The following MMP16 variants were observed in gnomAD, a reference collection of about 807,000 sequenced individuals.
The protein encoded by MMP16 is matrix metalloproteinase-16.
MMP16 carries 12 observed loss-of-function variants against 67.8 expected under a neutral mutation model. That is an observed-to-expected ratio of 0.18 (90% CI 0.11 to 0.29). The LOEUF is 0.29. Among genes scored for constraint, MMP16 ranks in the 10% least tolerant of loss-of-function variants. The pLI, the probability that MMP16 is intolerant of heterozygous loss-of-function variation, is 1.00. For missense variants in MMP16, 475 were observed against 765.7 expected (o/e 0.62, Z 4.48); for synonymous variants, 249 against 255.9 (o/e 0.97, Z 0.26).
In MMP16 at chr8:88,327,478, C is replaced by A; in HGVS notation, c.-272G>T. On this transcript the variant is annotated 5_prime_UTR_variant, in exon 1 of 10. Transcript: ENST00000286614. ...TGGCGCCTAAGTTCACCGGCGGTTCCGGCTCAAAGAGCCTAGTCGCAGCCG... is the reference window on the plus strand; with the variant it reads ...TGGCGCCTAAGTTCACCGGCGGTTCAGGCTCAAAGAGCCTAGTCGCAGCCG... The A allele has an allele frequency of 2.2e-6, 1 of 459,342 alleles. No homozygotes were observed. Among genetic ancestry groups the A allele is most frequent in the Non-Finnish European group, 4.0e-6 (1 of 248,716 alleles). 28.5% of individuals were successfully genotyped at this position (459,342 alleles called of 1,614,324 possible). A position where few individuals can be genotyped will look rare whatever the true frequency, so the allele number is the denominator to read the frequency against.
At chr8:88,322,260 G>A (rs1811471489) in intron 1 of MMP16, among the ~76,000 whole-genome samples, 1 of 152,182 alleles carries the variant, frequency 6.6e-6, no homozygotes, top group Admixed American at 6.5e-5. Context: ...AAAAGAAGGT[G>A]TGAGCTGAAC....
At chr8:88,104,732 T>C (rs1254231541) in intron 6 of MMP16, among the ~76,000 whole-genome samples, 1 of 151,524 alleles carries the variant, frequency 6.6e-6, no homozygotes, top group Non-Finnish European at 1.5e-5. Flanking sequence ...CTCAGAAAGG[T>C]CCTTCGGGAG....
chr8:88,149,339 C>G (rs1204732164), intron 4 of MMP16, among the ~76,000 whole-genome samples: 1 of 152,158 alleles, frequency 6.6e-6, no homozygotes, highest in Non-Finnish European at 1.5e-5. Flanking sequence ...CCGGGAACCT[C>G]GAACTGGGTG....
At chr8:88,267,088 C>T (rs1472591897) in intron 1 of MMP16, among the ~76,000 whole-genome samples, 1 of 152,150 alleles carries the variant, frequency 6.6e-6, no homozygotes, top group Non-Finnish European at 1.5e-5. Flanking sequence ...TCACATTTTG[C>T]TACCTGACAT....
chr8:88,124,940 A>T (rs1243055049), intron 4 of MMP16, among the ~76,000 whole-genome samples: 1 of 151,858 alleles, frequency 6.6e-6, no homozygotes, highest in Non-Finnish European at 1.5e-5. Flanking sequence ...TTATAAGTAA[A>T]CTAATCTCAT....
At chr8:88,183,860 C>T (rs28730305) in intron 3 of MMP16, among the ~76,000 whole-genome samples, 36,441 of 150,988 alleles carry the variant, frequency 0.24, 4,738 homozygotes, top group Middle Eastern at 0.32. Flanking sequence ...GGATTACAGT[C>T]ATGCGCCACA....
At chr8:88,220,844 G>C (rs1171969619) in intron 1 of MMP16, among the ~76,000 whole-genome samples, 2 of 152,072 alleles carry the variant, frequency 1.3e-5, no homozygotes, top group African/African-American at 4.8e-5. Flanking sequence ...GCATGATTAA[G>C]ATTTCTGGAT....
In MMP16 at chr8:88,039,078, T is replaced by C. The variant is rs981440557; in HGVS notation, c.*2383A>G. ...TCTAATTTTCATGCTACGTTGAGTA[T>C]AAATATAAATTCAAGGCAGCCAAAC... On this transcript the variant is annotated 3_prime_UTR_variant, in exon 10 of 10. Transcript: ENST00000286614. The surrounding 1 kb of genome is among the most constrained non-coding windows in gnomAD (Gnocchi z 4.5). 8.5e-5 allele frequency: 13 copies of C among 152,490 alleles called. No individual in the cohort carries two copies. Among genetic ancestry groups the C allele is most frequent in the African/African-American group, 2.9e-4 (12 of 41,408 alleles). The allele number at this position is 152,490 out of a possible 1,614,324, so 9.4% of individuals were successfully genotyped here.
At chr8:88,228,280 TA>T (rs1809802330) in intron 1 of MMP16, among the ~76,000 whole-genome samples, 2 of 152,078 alleles carry the variant, frequency 1.3e-5, no homozygotes, top group African/African-American at 2.4e-5. Context: ...TATAAGAAAA[TA>T]ATATGAGAAT....
rs576047248 is a variant in MMP16 at position 88,033,945 on chromosome 8, C to T, written c.*7516G>A. 1 of 152,132 alleles carries T rather than the reference C, an allele frequency of 6.6e-6. No homozygotes were observed. The allele number at this position is 152,132 out of a possible 1,614,324, so 9.4% of individuals were successfully genotyped here. On this transcript the variant is annotated 3_prime_UTR_variant, in exon 10 of 10. Transcript: ENST00000286614. ...CAGAACACTATACTGTGACTACTTT[C>T]CTGTATAATTATTTAAGATACATTC...
rs34488162 is a variant in MMP16 at position 88,097,625 on chromosome 8, CAAA to C, written c.1083+18879_1083+18881del. On this transcript the variant is annotated intron_variant, in intron 6 of 9. Coordinates refer to ENST00000286614, the MANE Select transcript of MMP16 (RefSeq NM_005941.5). ...TGAGAGCCAGAGCAAAACCCTGTCT[CAAA>C]AAAAAAAAAAAAAAAAAAAGAATGA... Among the ~76,000 whole-genome samples, 203 of 67,482 alleles carry C rather than the reference CAAA, an allele frequency of 3.0e-3. 1 individual carries two copies. The highest frequency in any genetic ancestry group is 0.012 in the African/African-American group (195 of 16,598). 44.3% of individuals were successfully genotyped at this position (67,482 alleles called of 152,430 possible). A position where few individuals can be genotyped will look rare whatever the true frequency, so the allele number is the denominator to read the frequency against.
In MMP16 at chr8:88,166,688, C is replaced by CATATATAT. The variant is rs1166566212; in HGVS notation, c.709+973_709+980dup. ...ACAAAAGAGAAGGAGCAAAAAATTACATATATATATATATATATATATATA... is the reference window on the plus strand; with the variant it reads ...ACAAAAGAGAAGGAGCAAAAAATTACATATATATATATATATATATATATATATATATA... On this transcript the variant is annotated intron_variant, in intron 4 of 9. Transcript: ENST00000286614. Among the ~76,000 whole-genome samples the CATATATAT allele has an allele frequency of 8.2e-3, 478 of 58,324 alleles. 7 individuals carry two copies. The highest frequency in any genetic ancestry group is 0.015 in the East Asian group (18 of 1,234). The allele number at this position is 58,324 out of a possible 152,430, so 38.3% of individuals were successfully genotyped here.
At chr8:88,226,987 CTG>C (rs1809780811) in intron 1 of MMP16, among the ~76,000 whole-genome samples, 1 of 151,926 alleles carries the variant, frequency 6.6e-6, no homozygotes. Flanking sequence ...CTAGTTCACT[CTG>C]GATATTGTTT....
intron 1 of MMP16, among the ~76,000 whole-genome samples, chr8:88,198,735 A>G (rs1034926390): frequency 2.6e-5 from 4 of 152,074 alleles, no homozygotes; most frequent in Admixed American, 2.6e-4. Flanking sequence ...AATTTATTCT[A>G]AAACCATTTA....
In MMP16 at chr8:88,115,689, T is replaced by A. The variant is rs573111091; in HGVS notation, c.1083+818A>T. On this transcript the variant is annotated intron_variant, in intron 6 of 9. Coordinates refer to ENST00000286614, the MANE Select transcript of MMP16 (RefSeq NM_005941.5). ...GACAGCACATTGTTTTATTTTAAAATAAATAATATTGGCAAAATGTGGCTC... is the reference window on the plus strand; with the variant it reads ...GACAGCACATTGTTTTATTTTAAAAAAAATAATATTGGCAAAATGTGGCTC... Among the ~76,000 whole-genome samples the A allele has an allele frequency of 1.6e-3, 251 of 152,168 alleles. 1 individual carries two copies. Among genetic ancestry groups the A allele is most frequent in the African/African-American group, 5.8e-3 (240 of 41,556 alleles).
intron 4 of MMP16, among the ~76,000 whole-genome samples, chr8:88,158,490 T>C (rs1204297955): frequency 6.6e-6 from 1 of 152,218 alleles, no homozygotes; most frequent in Non-Finnish European, 1.5e-5. Flanking sequence ...TCGATTCATA[T>C]CCTTTGCCCA....
chr8:88,121,985 T>C (rs1165620049), intron 4 of MMP16, among the ~76,000 whole-genome samples: 1 of 152,048 alleles, frequency 6.6e-6, no homozygotes, highest in Non-Finnish European at 1.5e-5. Flanking sequence ...TACTAAAATA[T>C]TTGGATATCA....
chr8:88,322,891 T>C (rs1811482482), intron 1 of MMP16, among the ~76,000 whole-genome samples: 2 of 152,118 alleles, frequency 1.3e-5, no homozygotes, highest in African/African-American at 4.8e-5. Flanking sequence ...GTAGAACATG[T>C]AGGAGAAGCT....
At position 88,041,883 on chromosome 8, in the gene MMP16, T is replaced by A. The variant is rs1366731701; in HGVS notation, c.1490-88A>T. The A allele has an allele frequency of 3.0e-6, 3 of 989,300 alleles. No individual in the cohort carries two copies. Among genetic ancestry groups the A allele is most frequent in the Non-Finnish European group, 4.5e-6 (3 of 673,590 alleles). The allele number at this position is 989,300 out of a possible 1,614,324, so 61.3% of individuals were successfully genotyped here. A position where few individuals can be genotyped will look rare whatever the true frequency, so the allele number is the denominator to read the frequency against. On this transcript the variant is annotated intron_variant, in intron 9 of 9. Transcript: ENST00000286614. The surrounding 1 kb of genome is among the most constrained non-coding windows in gnomAD (Gnocchi z 6.0). ...AATGTTACTAAAATAGGCTATGTCT[T>A]AAGAGATGTATTTTAAGGCCCTTTA...
Sources: allele counts gnomAD v4.1 joint callset (sites outside exome capture counted in the v4.1 genomes callset), GRCh38; gene constraint gnomAD v4.1.1; non-coding constraint Gnocchi (gnomAD v3.1); transcripts MANE v1.5; gene names NCBI Gene and HGNC (gene_info 2026-07-23, HGNC 2026-07-21).